The following ANKS1B variants were observed in gnomAD, a reference collection of about 807,000 sequenced individuals.
The protein encoded by ANKS1B is ankyrin repeat and sterile alpha motif domain-containing protein 1B.
A neutral mutation model predicts 148.3 loss-of-function variants in ANKS1B; 36 were observed. The observed-to-expected ratio is 0.24, with a 90% CI of 0.19 to 0.32. ANKS1B has a LOEUF of 0.32. Among genes scored for constraint, ANKS1B ranks in the 10% least tolerant of loss-of-function variants. ANKS1B has a pLI of 1.00. For synonymous variants in ANKS1B, 542 were observed against 560.8 expected (o/e 0.97, Z 0.47); for missense variants, 1,157 against 1,542.6 (o/e 0.75, Z 4.19).
chr12:98,782,339 C>T (rs1278174561), intron 22 of ANKS1B, among the ~76,000 whole-genome samples: 2 of 152,318 alleles, frequency 1.3e-5, no homozygotes, highest in Admixed American at 1.3e-4. Context: ...CTTTCACCGG[C>T]CCCTTTCTTT....
At chr12:98,942,488 C>T (rs1490221511) in intron 17 of ANKS1B, among the ~76,000 whole-genome samples, 1 of 152,144 alleles carries the variant, frequency 6.6e-6, no homozygotes, top group Admixed American at 6.5e-5. Context: ...GGAAATCCCT[C>T]GCTTCAGCTA....
At chr12:99,363,703 C>G (rs1381553911) in intron 12 of ANKS1B, among the ~76,000 whole-genome samples, 1 of 152,100 alleles carries the variant, frequency 6.6e-6, no homozygotes, top group African/African-American at 2.4e-5. Context: ...CCTGACTATG[C>G]CTTTAAGTTT....
At chr12:99,759,573 G>A (rs2061890766) in intron 8 of ANKS1B, among the ~76,000 whole-genome samples, 2 of 151,980 alleles carry the variant, frequency 1.3e-5, no homozygotes, top group Non-Finnish European at 2.9e-5. Flanking sequence ...CAACTGCCAT[G>A]TCTCTTTAAG....
intron 14 of ANKS1B, among the ~76,000 whole-genome samples, chr12:99,181,226 G>C (rs1341249570): frequency 6.6e-6 from 1 of 151,322 alleles, no homozygotes; most frequent in African/African-American, 2.4e-5. Context: ...CTTGCGATAA[G>C]TTAGGAAAAA....
In ANKS1B at chr12:99,504,660, A is replaced by T; in HGVS notation, c.1273-19T>A. On this transcript the variant is annotated intron_variant, in intron 9 of 26. Coordinates refer to ENST00000683438, the MANE Select transcript of ANKS1B (RefSeq NM_001352186.2). The stretch of plus-strand genomic sequence containing the variant: ...AGGACTCCTGAAAAGAAGAAAAAAT[A>T]AAAACAGCTTTGTGATGAAGAAACA... The T allele has an allele frequency of 6.6e-7, 1 of 1,508,250 alleles. No individual in the cohort carries two copies. Among genetic ancestry groups the T allele is most frequent in the Non-Finnish European group, 8.9e-7 (1 of 1,126,288 alleles). The allele number at this position is 1,508,250 out of a possible 1,614,324, so 93.4% of individuals were successfully genotyped here. A position where few individuals can be genotyped will look rare whatever the true frequency, so the allele number is the denominator to read the frequency against.
intron 17 of ANKS1B, among the ~76,000 whole-genome samples, chr12:99,030,920 C>A (rs4762544): frequency 0.045 from 6,889 of 152,250 alleles, 320 homozygotes; most frequent in African/African-American, 0.11. Context: ...TGACTTCTCT[C>A]TTTCTGAATC....
intron 17 of ANKS1B, among the ~76,000 whole-genome samples, chr12:98,985,508 A>G (rs897279310): frequency 2.6e-5 from 4 of 151,414 alleles, no homozygotes; most frequent in Admixed American, 2.0e-4. Flanking sequence ...TCAGGATTGG[A>G]TTATTAGTTA....
intron 17 of ANKS1B, among the ~76,000 whole-genome samples, chr12:99,037,634 C>T (rs2099956365): frequency 1.3e-5 from 2 of 152,066 alleles, no homozygotes; most frequent in South Asian, 2.1e-4. Flanking sequence ...ACTGCTTAGG[C>T]GATTATTTCA....
chr12:99,831,750 G>A (rs2084040867), intron 1 of ANKS1B, among the ~76,000 whole-genome samples: 1 of 151,866 alleles, frequency 6.6e-6, no homozygotes, highest in South Asian at 2.1e-4. Flanking sequence ...GAACCTCCCT[G>A]GGAGGAGAAA....
At chr12:99,894,285 AAGGAAGGGAGGGAGGGAGGG>A (rs1429020909) in intron 1 of ANKS1B, among the ~76,000 whole-genome samples, 2 of 56,840 alleles carry the variant, frequency 3.5e-5, no homozygotes, top group Admixed American at 1.8e-4. Context: ...GGAAGGAAGG[AAGGAAGGGAGGGAGGGAGGG>A]AGGGAGGGAG....
rs908075895 is a variant in ANKS1B at position 98,829,569 on chromosome 12, G to C, written c.2887-216C>G. On this transcript the variant is annotated intron_variant, in intron 18 of 26. Transcript: ENST00000683438. This position sits in a 1 kb window ranked among gnomAD's most constrained non-coding sequence, Gnocchi z 5.2. ...TCAGGTCAAAGGTCTGAAATATCAA[G>C]AGTCAGGTTCTGTTTTCCTAAAGCA... is the stretch of plus-strand genomic sequence containing the variant. 2.0e-5 allele frequency among the ~76,000 whole-genome samples: 3 copies of C among 152,132 alleles called. No homozygotes were observed. Among genetic ancestry groups the C allele is most frequent in the Non-Finnish European group, 4.4e-5 (3 of 68,036 alleles).
At chr12:99,562,688 T>G (rs1235307831) in intron 9 of ANKS1B, among the ~76,000 whole-genome samples, 1 of 152,166 alleles carries the variant, frequency 6.6e-6, no homozygotes, top group Non-Finnish European at 1.5e-5. Flanking sequence ...GGGAAAAGCC[T>G]CTTATAAAAC....
At chr12:99,281,328 A>C (rs986334764) in intron 12 of ANKS1B, among the ~76,000 whole-genome samples, 3 of 152,212 alleles carry the variant, frequency 2.0e-5, no homozygotes, top group Admixed American at 6.5e-5. Context: ...GTCAAAATGT[A>C]ACTAAAAATT....
chr12:99,499,591 G>A (rs2096636489), intron 10 of ANKS1B, among the ~76,000 whole-genome samples: 1 of 152,052 alleles, frequency 6.6e-6, no homozygotes, highest in African/African-American at 2.4e-5. Flanking sequence ...GCCTTCTGAT[G>A]TCTCATTTTC....
intron 9 of ANKS1B, among the ~76,000 whole-genome samples, chr12:99,627,763 T>A (rs1423266943): frequency 6.6e-6 from 1 of 152,058 alleles, no homozygotes; most frequent in African/African-American, 2.4e-5. Flanking sequence ...ACAGCTATAA[T>A]AAAAGGCAGA....
chr12:99,857,377 A>C (rs1024950248), intron 1 of ANKS1B, among the ~76,000 whole-genome samples: 19 of 152,208 alleles, frequency 1.2e-4, no homozygotes, highest in African/African-American at 4.6e-4. Context: ...CACTGCTGAA[A>C]GAAATCATAG....
chr12:98,990,667 G>T (rs2099926106), intron 17 of ANKS1B, among the ~76,000 whole-genome samples: 1 of 152,116 alleles, frequency 6.6e-6, no homozygotes, highest in South Asian at 2.1e-4. Flanking sequence ...GGGCTCTGGA[G>T]GAAAGAGGCA....
chr12:99,117,537 G>C (rs942253769), intron 15 of ANKS1B, among the ~76,000 whole-genome samples: 2 of 152,162 alleles, frequency 1.3e-5, no homozygotes, highest in Non-Finnish European at 2.9e-5. Flanking sequence ...TTGCATCCTA[G>C]GGAGGAAGCT....
chr12:99,331,169 A>T (rs1461405313), intron 12 of ANKS1B, among the ~76,000 whole-genome samples: 1 of 152,002 alleles, frequency 6.6e-6, no homozygotes, highest in Admixed American at 6.6e-5. Flanking sequence ...GTTAATAACA[A>T]CTTGTGTTTT....
Sources: gnomAD v4.1 joint callset for allele counts (sites outside exome capture counted in the v4.1 genomes callset) on GRCh38, gnomAD v4.1.1 for gene constraint, Gnocchi (gnomAD v3.1) non-coding constraint, MANE v1.5 for transcripts, NCBI Gene and HGNC (gene_info 2026-07-23, HGNC 2026-07-21) for gene names.